PEBP4: variants seen among roughly 807,000 people sequenced by gnomAD.
The protein encoded by PEBP4 is phosphatidylethanolamine binding protein 4.
A neutral mutation model predicts 23.9 loss-of-function variants in PEBP4; 22 were observed. The observed-to-expected ratio is 0.92, with a 90% confidence interval of 0.66 to 1.31. PEBP4 has a LOEUF of 1.31. Ranked by LOEUF, PEBP4 falls within the 40% of genes most tolerant of loss-of-function variation. PEBP4 has a pLI of 0.00. For missense variants in PEBP4, 324 were observed against 281.7 expected (o/e 1.15, Z -1.07); for synonymous variants, 112 against 99.3 (o/e 1.13, Z -0.76).
intron 4 of PEBP4, among the ~76,000 whole-genome samples, chr8:22,789,821 C>T (rs1806100593): frequency 6.6e-6 from 1 of 152,258 alleles, no homozygotes; most frequent in South Asian, 2.1e-4. Flanking sequence ...ACTCTGCTAA[C>T]CCTCCAATGC....
At chr8:22,864,971 G>T (rs1807855657) in intron 3 of PEBP4, among the ~76,000 whole-genome samples, 1 of 152,180 alleles carries the variant, frequency 6.6e-6, no homozygotes, top group African/African-American at 2.4e-5. Context: ...GGCCACTAGG[G>T]GGCAGGAGTG....
rs2466224 is a variant in PEBP4 at position 22,927,848 on chromosome 8, C to A, written c.-32G>T. ...CTCTGGTTAAGCACAGGGAGAAGGACAGGCAGCTTCCAGGGCTCCGCAGCT... is the reference window on the plus strand; with the variant it reads ...CTCTGGTTAAGCACAGGGAGAAGGAAAGGCAGCTTCCAGGGCTCCGCAGCT... On this transcript the variant is annotated 5_prime_UTR_variant, in exon 1 of 7. Transcript: ENST00000256404. 0.45 allele frequency: 521,433 copies of A among 1,159,052 alleles called. 120,412 individuals carry two copies. Among genetic ancestry groups the A allele is most frequent in the East Asian group, 0.64 (23,943 of 37,476 alleles). The allele number at this position is 1,159,052 out of a possible 1,614,324, so 71.8% of individuals were successfully genotyped here.
At chr8:22,854,931 TGTG>T (rs1807609194) in intron 3 of PEBP4, among the ~76,000 whole-genome samples, 1 of 139,742 alleles carries the variant, frequency 7.2e-6, no homozygotes, top group Non-Finnish European at 1.5e-5. Context: ...TTAGAATGTG[TGTG>T]TGTGTGTGTG....
intron 4 of PEBP4, 130 bp downstream of exon 4, chr8:22,817,507 A>T (rs1311009195): frequency 9.8e-6 from 8 of 815,090 alleles, no homozygotes; most frequent in Non-Finnish European, 1.6e-5. Context: ...TTGATAGCTG[A>T]GCACTGGGGG....
chr8:22,938,895 G>C (rs1809574174), intron 1 of PEBP4, among the ~76,000 whole-genome samples: 2 of 152,104 alleles, frequency 1.3e-5, no homozygotes, highest in Non-Finnish European at 1.5e-5. Flanking sequence ...ACATAAATAA[G>C]CACGCACATA....
chr8:22,791,147 C>T (rs1230110991), intron 4 of PEBP4, among the ~76,000 whole-genome samples: 2 of 152,110 alleles, frequency 1.3e-5, no homozygotes, highest in African/African-American at 4.8e-5. Flanking sequence ...ACCCCAGACA[C>T]ACACAGAAAG....
chr8:22,938,734 T>A (rs2128783645), intron 1 of PEBP4, among the ~76,000 whole-genome samples: 1 of 152,258 alleles, frequency 6.6e-6, no homozygotes. Context: ...TCACTGAAGC[T>A]CCAGGAGCAG....
intron 4 of PEBP4, among the ~76,000 whole-genome samples, chr8:22,772,204 G>A (rs1298812388): frequency 1.3e-5 from 2 of 152,222 alleles, no homozygotes; most frequent in African/African-American, 4.8e-5. Context: ...ACATAGATGA[G>A]AAAACCAAGG....
At position 22,828,959 on chromosome 8, in the gene PEBP4, C is replaced by T. The variant is rs560459509; in HGVS notation, c.259-11224G>A. Among the ~76,000 whole-genome samples the T allele has an allele frequency of 9.9e-5, 15 of 152,238 alleles. No homozygotes were observed. The East Asian group carries it at 2.5e-3, about 26-fold the overall frequency. On this transcript the variant is annotated intron_variant, in intron 3 of 6. Transcript: ENST00000256404. ...AAAAATCACTAATTCTGGCCATAACCCCCCTCTCTCCAGCTTGCTTCTTCA... is the reference window on the plus strand; with the variant it reads ...AAAAATCACTAATTCTGGCCATAACTCCCCTCTCTCCAGCTTGCTTCTTCA...
At chr8:22,722,898 G>A (rs1392159255) in intron 6 of PEBP4, among the ~76,000 whole-genome samples, 2 of 151,798 alleles carry the variant, frequency 1.3e-5, no homozygotes, top group African/African-American at 4.8e-5. Flanking sequence ...TCAGCCTCCG[G>A]AGTAGCTGGG....
chr8:22,935,706 T>C (rs1348044763), intron 1 of PEBP4, among the ~76,000 whole-genome samples: 1 of 152,218 alleles, frequency 6.6e-6, no homozygotes, highest in Non-Finnish European at 1.5e-5. Context: ...TGTATAAAAC[T>C]ATCTTTAGGC....
chr8:22,728,563 C>CTTT (rs1554478841), intron 4 of PEBP4, among the ~76,000 whole-genome samples: 2,765 of 68,974 alleles, frequency 0.04, 49 homozygotes, highest in African/African-American at 0.066. Flanking sequence ...TTTCTTTCTT[C>CTTT]CTTCCTTCCT....
intron 4 of PEBP4, among the ~76,000 whole-genome samples, chr8:22,785,722 G>A (rs1326187561): frequency 1.3e-5 from 2 of 152,102 alleles, no homozygotes; most frequent in African/African-American, 4.8e-5. Flanking sequence ...GAGCAACAGC[G>A]ACCACTCCAG....
At chr8:22,831,643 G>A (rs1018405302) in intron 3 of PEBP4, among the ~76,000 whole-genome samples, 1 of 152,080 alleles carries the variant, frequency 6.6e-6, no homozygotes, top group Non-Finnish European at 1.5e-5. Context: ...CCTCTGTGCT[G>A]TAACCAGGCA....
At chr8:22,859,035 C>T (rs867058424) in intron 3 of PEBP4, among the ~76,000 whole-genome samples, 16 of 152,318 alleles carry the variant, frequency 1.1e-4, no homozygotes, top group South Asian at 2.1e-4. Context: ...CAGCATGGCA[C>T]GGGTGTCCCC....
chr8:22,775,173 T>C lies in PEBP4; in HGVS notation c.357+42464A>G, dbSNP rs1245667814. ...CAAGTTCTCTTCTAAGGTCATGTTC[T>C]AGGTTTTAGGGCTCCCCTCTCTTCC... On this transcript the variant is annotated intron_variant, in intron 4 of 6. Coordinates refer to ENST00000256404, the MANE Select transcript of PEBP4 (RefSeq NM_144962.3). This position sits in a 1 kb window ranked among gnomAD's most constrained non-coding sequence, Gnocchi z 4.8. 6.6e-6 allele frequency among the ~76,000 whole-genome samples: 1 copy of C among 152,250 alleles called. No homozygotes were observed. Among genetic ancestry groups the C allele is most frequent in the Non-Finnish European group, 1.5e-5 (1 of 68,040 alleles).
At chr8:22,804,786 C>A (rs1252139114) in intron 4 of PEBP4, among the ~76,000 whole-genome samples, 2 of 152,118 alleles carry the variant, frequency 1.3e-5, no homozygotes, top group African/African-American at 4.8e-5. Flanking sequence ...ACGGTTAGAA[C>A]CTCCATCCTT....
At chr8:22,845,726 C>T (rs1807418882) in intron 3 of PEBP4, among the ~76,000 whole-genome samples, 2 of 152,242 alleles carry the variant, frequency 1.3e-5, no homozygotes, top group Admixed American at 6.5e-5. Context: ...ATTCCACCCA[C>T]AGTCATTCTG....
intron 3 of PEBP4, among the ~76,000 whole-genome samples, chr8:22,868,599 A>G (rs1247053215): frequency 3.9e-5 from 6 of 152,182 alleles, no homozygotes; most frequent in Non-Finnish European, 7.4e-5. Context: ...AACAGTGTAA[A>G]CAAAACATGT....
Sources: gnomAD v4.1 joint callset for allele counts (sites outside exome capture counted in the v4.1 genomes callset) on GRCh38, gnomAD v4.1.1 for gene constraint, Gnocchi (gnomAD v3.1) non-coding constraint, MANE v1.5 for transcripts, NCBI Gene and HGNC (gene_info 2026-07-23, HGNC 2026-07-21) for gene names.